The following GRAMD1B variants were observed in gnomAD, a reference collection of about 807,000 sequenced individuals.
GRAMD1B encodes the protein protein Aster-B.
Under a neutral mutation model 99.7 loss-of-function variants are expected in GRAMD1B, and 37 were observed. The ratio of observed to expected loss-of-function variants is 0.37; its 90% confidence interval spans 0.29 to 0.49. The LOEUF (loss-of-function observed/expected upper bound fraction) is 0.49, where lower values mean the gene tolerates loss of function less well. GRAMD1B is among the 20% of genes least tolerant of loss of function. GRAMD1B has a pLI of 0.98. For missense variants in GRAMD1B, 888 were observed against 1,009.2 expected (o/e 0.88, Z 1.63); for synonymous variants, 427 against 387.6 (o/e 1.10, Z -1.19).
intron 2 of GRAMD1B, among the ~76,000 whole-genome samples, chr11:123,516,282 G>T (rs1941662402): frequency 6.6e-6 from 1 of 152,200 alleles, no homozygotes. Flanking sequence ...CTCATGATAT[G>T]CCAGTCTCAT....
intron 1 of GRAMD1B, among the ~76,000 whole-genome samples, chr11:123,444,920 TC>T (rs1443307913): frequency 1.3e-5 from 2 of 152,120 alleles, no homozygotes; most frequent in Non-Finnish European, 1.5e-5. Context: ...TCTTGGTCCT[TC>T]CTCCCCATCT....
intron 2 of GRAMD1B, among the ~76,000 whole-genome samples, chr11:123,541,435 T>G (rs974746071): frequency 6.6e-6 from 1 of 152,174 alleles, no homozygotes; most frequent in African/African-American, 2.4e-5. Context: ...AATCTGATAT[T>G]TCAAAAATGG....
intron 1 of GRAMD1B, among the ~76,000 whole-genome samples, chr11:123,440,343 T>C (rs1949349423): frequency 6.6e-6 from 1 of 152,082 alleles, no homozygotes; most frequent in Non-Finnish European, 1.5e-5. Context: ...AAACCCCGTC[T>C]CTACTAAAAT....
At chr11:123,616,774 C>T (rs1191814442) in intron 17 of GRAMD1B, among the ~76,000 whole-genome samples, 11 of 152,234 alleles carry the variant, frequency 7.2e-5, no homozygotes, top group Admixed American at 7.2e-4. Context: ...TTAGACAGCA[C>T]ACAGGGGTAT....
intron 1 of GRAMD1B, among the ~76,000 whole-genome samples, chr11:123,409,576 G>C (rs1038752170): frequency 6.6e-6 from 1 of 152,076 alleles, no homozygotes; most frequent in Non-Finnish European, 1.5e-5. Context: ...TCAATTATTC[G>C]TCTTTGGTTT....
At chr11:123,488,086 A>G (rs1938079068) in intron 2 of GRAMD1B, among the ~76,000 whole-genome samples, 1 of 152,186 alleles carries the variant, frequency 6.6e-6, no homozygotes. Flanking sequence ...CTTCATAGAC[A>G]GCTGTCTTCT....
At chr11:123,423,241 G>T (rs1948516971) in intron 1 of GRAMD1B, among the ~76,000 whole-genome samples, 1 of 146,184 alleles carries the variant, frequency 6.8e-6, no homozygotes, top group East Asian at 2.0e-4. Flanking sequence ...CCAACAATAA[G>T]ACACACACAC....
intron 1 of GRAMD1B, among the ~76,000 whole-genome samples, chr11:123,447,683 G>A (rs913306728): frequency 1.3e-5 from 2 of 152,162 alleles, no homozygotes; most frequent in African/African-American, 4.8e-5. Context: ...GTTTCATCTT[G>A]TTAGACAAAA....
chr11:123,404,798 C>T (rs1389838428), intron 1 of GRAMD1B, among the ~76,000 whole-genome samples: 1 of 152,224 alleles, frequency 6.6e-6, no homozygotes, highest in African/African-American at 2.4e-5. Context: ...CGATACTCAT[C>T]GTTAAGAGAC....
At chr11:123,439,207 G>A (rs184410460) in intron 1 of GRAMD1B, among the ~76,000 whole-genome samples, 73 of 152,264 alleles carry the variant, frequency 4.8e-4, no homozygotes, top group South Asian at 1.7e-3. Flanking sequence ...CTTGTTTCGG[G>A]TCTCTCAGGG....
At chr11:123,562,196 T>A (rs1946847589) in intron 2 of GRAMD1B, among the ~76,000 whole-genome samples, 1 of 151,918 alleles carries the variant, frequency 6.6e-6, no homozygotes, top group African/African-American at 2.4e-5. Flanking sequence ...TTAATAATAA[T>A]TTTTTTAAAA....
At chr11:123,535,306 C>T (rs536332664) in intron 2 of GRAMD1B, among the ~76,000 whole-genome samples, 360 of 150,264 alleles carry the variant, frequency 2.4e-3, no homozygotes, top group African/African-American at 8.3e-3. Context: ...TTTTTTTCCC[C>T]CATTTTATAT....
intron 2 of GRAMD1B, among the ~76,000 whole-genome samples, chr11:123,531,153 G>A (rs1245492234): frequency 6.6e-6 from 1 of 152,148 alleles, no homozygotes; most frequent in East Asian, 1.9e-4. Context: ...ACCCTCCTGC[G>A]AACAGTGTGA....
chr11:123,450,634 A>G (rs570047729), intron 1 of GRAMD1B, among the ~76,000 whole-genome samples: 1 of 152,320 alleles, frequency 6.6e-6, no homozygotes, highest in Admixed American at 6.5e-5. Context: ...AGTGTCTTCC[A>G]TACTGCTTTG....
intron 2 of GRAMD1B, among the ~76,000 whole-genome samples, chr11:123,542,846 G>T (rs1944675630): frequency 6.6e-6 from 1 of 152,098 alleles, no homozygotes; most frequent in Non-Finnish European, 1.5e-5. Flanking sequence ...TAAAGACGGG[G>T]TTTCACCATG....
intron 2 of GRAMD1B, among the ~76,000 whole-genome samples, chr11:123,558,563 A>G (rs912944244): frequency 4.6e-5 from 7 of 152,238 alleles, no homozygotes; most frequent in African/African-American, 1.7e-4. Context: ...TGAGTTTGAG[A>G]TAAGAGTACG....
intron 1 of GRAMD1B, chr11:123,460,026 AAG>A (rs1950336805): frequency 6.6e-6 from 1 of 152,196 alleles, no homozygotes; most frequent in Non-Finnish European, 1.5e-5. Context: ...ACTGAACTTG[AAG>A]AGAGTTAATT....
chr11:123,435,623 T>C (rs940520747), intron 1 of GRAMD1B: 6 of 576,426 alleles, frequency 1.0e-5, no homozygotes, highest in African/African-American at 9.3e-5. Context: ...GTCACAGCAC[T>C]GTACCTGACC....
At chr11:123,458,070 C>T (rs1219895896) in intron 1 of GRAMD1B, among the ~76,000 whole-genome samples, 4 of 152,078 alleles carry the variant, frequency 2.6e-5, no homozygotes, top group East Asian at 1.9e-4. Flanking sequence ...ACGATAAGTG[C>T]GTATGTATGC....
Sources: allele counts gnomAD v4.1 joint callset (sites outside exome capture counted in the v4.1 genomes callset), GRCh38; gene constraint gnomAD v4.1.1; transcripts MANE v1.5; gene names NCBI Gene and HGNC (gene_info 2026-07-23, HGNC 2026-07-21).